The following C12orf42 variants were observed in gnomAD, a reference collection of about 807,000 sequenced individuals.
C12orf42 encodes the protein chromosome 12 open reading frame 42, also known as uncharacterized protein C12orf42.
C12orf42 carries 25 observed loss-of-function variants against 21.6 expected under a neutral mutation model. The ratio of observed to expected loss-of-function variants is 1.16; its 90% CI spans 0.84 to 1.62. C12orf42 has a LOEUF of 1.62. Ranked by LOEUF, C12orf42 falls within the 40% of genes most tolerant of loss-of-function variation. C12orf42 has a pLI of 0.00. For missense variants in C12orf42, 483 were observed against 459.3 expected, an observed-to-expected ratio of 1.05 and a Z score of -0.47; for synonymous variants, 174 against 175.0, an observed-to-expected ratio of 0.99 and a Z score of 0.05.
intron 1 of C12orf42, among the ~76,000 whole-genome samples, chr12:103,483,736 A>C (rs2138092123): frequency 6.6e-6 from 1 of 152,092 alleles, no homozygotes; most frequent in South Asian, 2.1e-4. Flanking sequence ...ATAGGTATAC[A>C]TGTGCCATGT....
chr12:103,196,808 T>G, the C12orf42 span, among the ~76,000 whole-genome samples: 1 of 152,122 alleles, frequency 6.6e-6, no homozygotes, highest in Non-Finnish European at 1.5e-5. Context: ...CTTACAGGTG[T>G]CATTGAATGT....
At chr12:103,122,307 G>A in the C12orf42 span, among the ~76,000 whole-genome samples, 1 of 152,216 alleles carries the variant, frequency 6.6e-6, no homozygotes, top group Non-Finnish European at 1.5e-5. Flanking sequence ...ATTCATTAGG[G>A]AGGAGAGCTA....
the C12orf42 span, among the ~76,000 whole-genome samples, chr12:103,051,799 G>T: frequency 2.6e-5 from 4 of 152,182 alleles, no homozygotes; most frequent in East Asian, 1.9e-4. Context: ...AGTCTGTCTT[G>T]CTCCTTCTCC....
At chr12:103,360,912 G>C (rs140527640) in intron 4 of C12orf42, among the ~76,000 whole-genome samples, 5 of 152,232 alleles carry the variant, frequency 3.3e-5, no homozygotes, top group Admixed American at 6.5e-5. Flanking sequence ...GAAGTTGTAA[G>C]AAAAATGAAT....
intron 4 of C12orf42, among the ~76,000 whole-genome samples, chr12:103,334,792 A>C (rs1223137623): frequency 6.6e-6 from 1 of 152,240 alleles, no homozygotes. Context: ...TTGCTGCGCC[A>C]ACCACCATAT....
At chr12:103,217,941 C>G in the C12orf42 span, among the ~76,000 whole-genome samples, 1 of 152,088 alleles carries the variant, frequency 6.6e-6, no homozygotes, top group Non-Finnish European at 1.5e-5. Context: ...CTTGTCTATA[C>G]CATTCATTTG....
At chr12:103,221,664 C>T in the C12orf42 span, among the ~76,000 whole-genome samples, 175 of 152,242 alleles carry the variant, frequency 1.1e-3, no homozygotes, top group African/African-American at 3.9e-3. Context: ...CAGAGAAAGG[C>T]ATTGGTTTGG....
At chr12:103,400,897 T>C (rs2047932177) in intron 3 of C12orf42, among the ~76,000 whole-genome samples, 1 of 152,132 alleles carries the variant, frequency 6.6e-6, no homozygotes, top group Non-Finnish European at 1.5e-5. Flanking sequence ...ATTCCCTTCA[T>C]GGTAAATAGG....
chr12:103,305,928 G>C, intron 5 of C12orf42, 46 bp downstream of exon 5: 1 of 1,549,958 alleles, frequency 6.5e-7, no homozygotes, highest in African/African-American at 1.4e-5. Flanking sequence ...AACAAAATGT[G>C]ACCAGTTGAA....
the C12orf42 span, among the ~76,000 whole-genome samples, chr12:103,190,534 A>G: frequency 3.9e-5 from 6 of 152,220 alleles, no homozygotes; most frequent in Admixed American, 3.9e-4. Context: ...CCAAGCCTAC[A>G]AAGAATGCTG....
the C12orf42 span, among the ~76,000 whole-genome samples, chr12:103,102,809 G>A: frequency 3.6e-3 from 552 of 152,214 alleles, 3 homozygotes; most frequent in Middle Eastern, 6.8e-3. Context: ...ATGTATTCAC[G>A]ATGATAGTTG....
At chr12:103,333,036 C>T (rs913498733) in intron 4 of C12orf42, among the ~76,000 whole-genome samples, 1 of 152,136 alleles carries the variant, frequency 6.6e-6, no homozygotes, top group Non-Finnish European at 1.5e-5. Context: ...TTATGCTTGT[C>T]CCATCAGGCC....
At chr12:103,226,877 AGGAAG>A in the C12orf42 span, among the ~76,000 whole-genome samples, 1 of 152,232 alleles carries the variant, frequency 6.6e-6, no homozygotes, top group Admixed American at 6.5e-5. Flanking sequence ...CACAGAGACT[AGGAAG>A]GGACTGATGT....
chr12:103,370,784 T>C (rs1292329360), intron 3 of C12orf42, among the ~76,000 whole-genome samples: 4 of 152,090 alleles, frequency 2.6e-5, no homozygotes, highest in African/African-American at 4.8e-5. Context: ...TGGGATACTA[T>C]GCTTATTACC....
At chr12:103,264,209 A>T (rs2035051305), downstream of C12orf42, among the ~76,000 whole-genome samples, 1 of 152,112 alleles carries the variant, frequency 6.6e-6, no homozygotes, top group South Asian at 2.1e-4. Context: ...GGAGGATTCT[A>T]AGTGGAGCCT....
the C12orf42 span, among the ~76,000 whole-genome samples, chr12:103,087,384 A>C: frequency 6.6e-6 from 1 of 152,228 alleles, no homozygotes; most frequent in Non-Finnish European, 1.5e-5. Context: ...CTCATAGAAC[A>C]CTAGTGAGAA....
At chr12:103,490,226 C>A (rs1955106980) in intron 1 of C12orf42, among the ~76,000 whole-genome samples, 1 of 152,182 alleles carries the variant, frequency 6.6e-6, no homozygotes, top group African/African-American at 2.4e-5. Flanking sequence ...TAGTCTCTGA[C>A]ATTTAAAAGA....
chr12:103,116,387 T>A, the C12orf42 span, among the ~76,000 whole-genome samples: 21 of 145,884 alleles, frequency 1.4e-4, no homozygotes, highest in South Asian at 4.3e-4. Flanking sequence ...AAAAAATATA[T>A]ATATATATAT....
the C12orf42 span, among the ~76,000 whole-genome samples, chr12:103,205,141 G>A: frequency 2.0e-5 from 3 of 152,168 alleles, no homozygotes; most frequent in Admixed American, 1.3e-4. Flanking sequence ...AAGTGTTGAT[G>A]AGGCTGTGGA....
Sources: allele counts gnomAD v4.1 joint callset (sites outside exome capture counted in the v4.1 genomes callset), GRCh38; gene constraint gnomAD v4.1.1; transcripts MANE v1.5; gene names NCBI Gene and HGNC (gene_info 2026-07-23, HGNC 2026-07-21).